NETO1: variants seen among roughly 807,000 people sequenced by gnomAD.
The protein encoded by NETO1 is neuropilin and tolloid like 1, also known as neuropilin and tolloid-like protein 1.
NETO1 carries 26 observed loss-of-function variants against 61.3 expected under a neutral mutation model. That is an observed-to-expected ratio of 0.42 (90% CI 0.31 to 0.59). NETO1 has a LOEUF of 0.59. Among genes scored for constraint, NETO1 ranks in the 20% least tolerant of loss-of-function variants. NETO1 has a pLI of 0.12. For missense variants in NETO1, 531 were observed against 662.8 expected (o/e 0.80, Z 2.18); for synonymous variants, 225 against 225.8 (o/e 1.00, Z 0.03).
At chr18:72,857,227 A>T (rs2074434953) in intron 4 of NETO1, among the ~76,000 whole-genome samples, 1 of 152,216 alleles carries the variant, frequency 6.6e-6, no homozygotes, top group Non-Finnish European at 1.5e-5. Flanking sequence ...TTCATGGAAA[A>T]ATCTCCAAGA....
At chr18:72,835,375 T>C in intron 4 of NETO1, 1 of 1,468,560 alleles carries the variant, frequency 6.8e-7, no homozygotes, top group East Asian at 2.3e-5. Flanking sequence ...TGATCAGGCA[T>C]GAATTGTAGG....
At chr18:72,860,944 T>A (rs1005227568) in intron 3 of NETO1, among the ~76,000 whole-genome samples, 1 of 152,164 alleles carries the variant, frequency 6.6e-6, no homozygotes, top group Non-Finnish European at 1.5e-5. Flanking sequence ...GTATAACAAG[T>A]TTTATGATGA....
At chr18:72,784,086 T>C (rs2071832604) in intron 6 of NETO1, among the ~76,000 whole-genome samples, 180 bp from the exon 7 acceptor site, 1 of 152,100 alleles carries the variant, frequency 6.6e-6, no homozygotes, top group East Asian at 1.9e-4. Flanking sequence ...ATATTTTTTT[T>C]CAAATGCTAT....
intron 4 of NETO1, chr18:72,834,578 A>G (rs2073683422): frequency 1.1e-5 from 11 of 980,736 alleles, no homozygotes; most frequent in Non-Finnish European, 1.2e-5. Context: ...CTATTTCACA[A>G]CACTATTACT....
chr18:72,855,666 G>C (rs1280401710), intron 4 of NETO1, among the ~76,000 whole-genome samples: 1 of 152,130 alleles, frequency 6.6e-6, no homozygotes, highest in African/African-American at 2.4e-5. Flanking sequence ...TTTAAGTTCA[G>C]TAGGAAAGAA....
chr18:72,824,141 T>TAAC (rs2073298825), intron 4 of NETO1, among the ~76,000 whole-genome samples: 1 of 152,234 alleles, frequency 6.6e-6, no homozygotes, highest in Non-Finnish European at 1.5e-5. Context: ...TCTAATAGAT[T>TAAC]GGTTACACAC....
Position 72,830,672 on chromosome 18 carries a change from T to A in NETO1, c.469+28154A>T, listed in dbSNP as rs1002829784. Among the ~76,000 whole-genome samples, 3 of 152,112 alleles carry A rather than the reference T, an allele frequency of 2.0e-5. No homozygotes were observed. Among genetic ancestry groups the A allele is most frequent in the African/African-American group, 7.2e-5 (3 of 41,418 alleles). ...CAAAGCATATGAAAATCTGTCTTAA[T>A]CCTGATTCCTAGTTGAACTGAGTCT... On this transcript the variant is annotated intron_variant, in intron 4 of 10. Transcript: ENST00000327305. This position sits in a 1 kb window ranked among gnomAD's most constrained non-coding sequence, Gnocchi z 4.9.
At chr18:72,796,003 G>A (rs777153440) in intron 4 of NETO1, among the ~76,000 whole-genome samples, 43 of 152,204 alleles carry the variant, frequency 2.8e-4, no homozygotes, top group Non-Finnish European at 4.3e-4. Flanking sequence ...CGATTTAAAA[G>A]ATGACTGGGA....
rs567748285 is a variant in NETO1 at position 72,777,628 on chromosome 18, A to G, written c.868+6050T>C. Among the ~76,000 whole-genome samples, 20 of 151,564 alleles carry G rather than the reference A, an allele frequency of 1.3e-4. No homozygotes were observed. In the East Asian group the frequency reaches 4.0e-3, roughly 30 times the overall value. On this transcript the variant is annotated intron_variant, in intron 7 of 10. Coordinates refer to ENST00000327305, the MANE Select transcript of NETO1 (RefSeq NM_138966.5). The stretch of plus-strand genomic sequence containing the variant: ...CGTGGTGGCGGGTGCCTGTAGTCCC[A>G]GCTACTTCAGAGGCTGAGGCAGGAG...
At chr18:72,786,443 A>G (rs528375238) in intron 6 of NETO1, among the ~76,000 whole-genome samples, 1 of 152,354 alleles carries the variant, frequency 6.6e-6, no homozygotes, top group South Asian at 2.1e-4. Flanking sequence ...GAGTTGTAGT[A>G]TGCTTTGCAA....
In NETO1 at chr18:72,824,558, T is replaced by C. The variant is rs143850336; in HGVS notation, c.470-30154A>G. Among the ~76,000 whole-genome samples the C allele has an allele frequency of 3.0e-3, 457 of 152,292 alleles. 4 individuals carry two copies. Among genetic ancestry groups the C allele is most frequent in the Middle Eastern group, 6.8e-3 (2 of 294 alleles). On this transcript the variant is annotated intron_variant, in intron 4 of 10. Transcript: ENST00000327305. Reference sequence around the variant, plus strand: ...CATTACTTGAGACTAGAAGAGCAAGTTGAATTGCCATAAAAGAGATTTGGT... The same window carrying C: ...CATTACTTGAGACTAGAAGAGCAAGCTGAATTGCCATAAAAGAGATTTGGT...
intron 4 of NETO1, among the ~76,000 whole-genome samples, chr18:72,844,267 C>T (rs1459275623): frequency 1.3e-5 from 2 of 151,806 alleles, no homozygotes; most frequent in East Asian, 1.9e-4. Flanking sequence ...TTGTCACAGA[C>T]ACTACTGTAA....
chr18:72,846,973 C>A (rs1225307972), intron 4 of NETO1, among the ~76,000 whole-genome samples: 2 of 152,232 alleles, frequency 1.3e-5, no homozygotes, highest in Non-Finnish European at 2.9e-5. Context: ...ACTGCATGGG[C>A]AAGCAAAACG....
chr18:72,865,596 ATC>A, intron 1 of NETO1: 1 of 1,606,816 alleles, frequency 6.2e-7, no homozygotes, highest in Middle Eastern at 1.7e-4. Flanking sequence ...CTCTGCCAGC[ATC>A]TCTGAATGAA....
At chr18:72,786,817 TA>T (rs35606307) in intron 6 of NETO1, among the ~76,000 whole-genome samples, 3,240 of 145,704 alleles carry the variant, frequency 0.022, 30 homozygotes, top group Non-Finnish European at 0.03. Flanking sequence ...TAACATGACT[TA>T]AAAAAAAAAG....
chr18:72,815,956 T>A (rs990504533), intron 4 of NETO1, among the ~76,000 whole-genome samples: 1 of 152,168 alleles, frequency 6.6e-6, no homozygotes, highest in Non-Finnish European at 1.5e-5. Flanking sequence ...GTTGAAAATG[T>A]CAAAAGTCTT....
chr18:72,762,944 T>A (rs1301581357), intron 7 of NETO1, among the ~76,000 whole-genome samples: 2 of 152,232 alleles, frequency 1.3e-5, no homozygotes. Context: ...TAGATTTACA[T>A]AATGTATTTA....
At chr18:72,812,637 G>A (rs768832614) in intron 4 of NETO1, among the ~76,000 whole-genome samples, 1 of 151,840 alleles carries the variant, frequency 6.6e-6, no homozygotes, top group Admixed American at 6.6e-5. Flanking sequence ...GTAATGCTTA[G>A]AGCCAATCAT....
chr18:72,749,669 C>T (rs1043985398), intron 9 of NETO1, among the ~76,000 whole-genome samples: 2 of 152,022 alleles, frequency 1.3e-5, no homozygotes, highest in Non-Finnish European at 1.5e-5. Context: ...GTAAGGCAAT[C>T]GTTTTCAAAT....
Sources: gnomAD v4.1 joint callset for allele counts (sites outside exome capture counted in the v4.1 genomes callset) on GRCh38, gnomAD v4.1.1 for gene constraint, Gnocchi (gnomAD v3.1) non-coding constraint, MANE v1.5 for transcripts, NCBI Gene and HGNC (gene_info 2026-07-23, HGNC 2026-07-21) for gene names.